The following KCNMA1 variants were observed in gnomAD, a reference collection of about 807,000 sequenced individuals.
KCNMA1 encodes the protein potassium calcium-activated channel subfamily M alpha 1.
In KCNMA1, 29 loss-of-function variants were observed where a neutral mutation model predicts 140.0. The observed-to-expected ratio is 0.21, with a 90% CI of 0.15 to 0.28. The LOEUF (loss-of-function observed/expected upper bound fraction) is 0.28, where lower values mean the gene tolerates loss of function less well. Ranked by LOEUF, KCNMA1 falls within the 10% of genes least tolerant of loss-of-function variation. KCNMA1 has a pLI of 1.00. For synonymous variants in KCNMA1, 612 were observed against 611.9 expected (o/e 1.00, Z 0.00); for missense variants, 880 against 1,602.2 (o/e 0.55, Z 7.70).
In KCNMA1 at chr10:77,278,940, G is replaced by A. The variant is rs143422984; in HGVS notation, c.541-27684C>T. Reference sequence around the variant, plus strand: ...AAAAGTGGCTTTTTCCTCATAGACTGAAAATACACCTGAAGATCCCCTCAT... The same window carrying A: ...AAAAGTGGCTTTTTCCTCATAGACTAAAAATACACCTGAAGATCCCCTCAT... On this transcript the variant is annotated intron_variant, in intron 2 of 27. Coordinates refer to ENST00000286628, the MANE Select transcript of KCNMA1 (RefSeq NM_001161352.2). 2.5e-3 allele frequency among the ~76,000 whole-genome samples: 385 copies of A among 152,284 alleles called. 2 individuals are homozygous for A. The highest frequency in any genetic ancestry group is 8.9e-3 in the African/African-American group (368 of 41,566).
intron 2 of KCNMA1, among the ~76,000 whole-genome samples, chr10:77,296,693 G>A (rs2075198178): frequency 1.3e-5 from 2 of 152,012 alleles, no homozygotes; most frequent in Admixed American, 1.3e-4. Flanking sequence ...GCAGTCTCCT[G>A]GATAGAACTG....
intron 21 of KCNMA1, among the ~76,000 whole-genome samples, chr10:76,953,411 C>G (rs2067013733): frequency 1.3e-5 from 2 of 152,284 alleles, no homozygotes; most frequent in Admixed American, 6.5e-5. Context: ...TCATTCTCAT[C>G]TCATCTTTTT....
chr10:77,168,277 G>T (rs2154093792), intron 5 of KCNMA1, among the ~76,000 whole-genome samples: 1 of 152,238 alleles, frequency 6.6e-6, no homozygotes, highest in South Asian at 2.1e-4. Flanking sequence ...CTACCTGTGT[G>T]TTAGGATTAA....
chr10:77,129,288 C>T (rs1347087565), intron 5 of KCNMA1, among the ~76,000 whole-genome samples: 1 of 152,120 alleles, frequency 6.6e-6, no homozygotes, highest in East Asian at 1.9e-4. Flanking sequence ...GAGGATGAGT[C>T]CAGTGTACAG....
At chr10:77,090,617 TCTC>T in intron 9 of KCNMA1, 107 bp from the exon 10 acceptor site, 1 of 766,534 alleles carries the variant, frequency 1.3e-6, no homozygotes, top group Non-Finnish European at 2.3e-6. Flanking sequence ...GAAGCATTCA[TCTC>T]CTCCCTCCGC....
chr10:77,614,764 G>C (rs1339884706), intron 1 of KCNMA1, among the ~76,000 whole-genome samples: 6 of 152,162 alleles, frequency 3.9e-5, no homozygotes, highest in Non-Finnish European at 7.4e-5. Flanking sequence ...TGCATGAGCA[G>C]AGGAAGGAGC....
At position 77,208,528 on chromosome 10, in the gene KCNMA1, G is replaced by A. The variant is rs142615044; in HGVS notation, c.603-23612C>T. On this transcript the variant is annotated intron_variant, in intron 3 of 27. Coordinates refer to ENST00000286628, the MANE Select transcript of KCNMA1 (RefSeq NM_001161352.2). ...AATAAAACGTTTTAAAAACCTGTGC[G>A]CAGAAATGAAAGCCCATGAACAGCA... Among the ~76,000 whole-genome samples, 297 of 143,226 alleles carry A rather than the reference G, an allele frequency of 2.1e-3. 1 individual carries two copies. Among genetic ancestry groups the A allele is most frequent in the African/African-American group, 6.3e-3 (244 of 38,736 alleles). The allele number at this position is 143,226 out of a possible 152,430, so 94.0% of individuals were successfully genotyped here.
intron 1 of KCNMA1, among the ~76,000 whole-genome samples, chr10:77,552,086 G>C (rs1021659922): frequency 6.6e-6 from 1 of 152,178 alleles, no homozygotes; most frequent in African/African-American, 2.4e-5. Context: ...TGACCAGTAA[G>C]GAAAGGATTT....
At chr10:77,243,675 T>C (rs2057862255) in intron 3 of KCNMA1, among the ~76,000 whole-genome samples, 2 of 152,190 alleles carry the variant, frequency 1.3e-5, no homozygotes, top group Non-Finnish European at 2.9e-5. Flanking sequence ...AAGTGAGCAA[T>C]TGGGCAAAAT....
At chr10:77,468,419 G>A (rs1459747945) in intron 1 of KCNMA1, among the ~76,000 whole-genome samples, 1 of 152,182 alleles carries the variant, frequency 6.6e-6, no homozygotes, top group African/African-American at 2.4e-5. Context: ...AGAATGGGAT[G>A]TATTCAGAGA....
intron 5 of KCNMA1, among the ~76,000 whole-genome samples, chr10:77,169,597 T>C (rs1564951808): frequency 6.6e-6 from 1 of 152,024 alleles, no homozygotes; most frequent in Non-Finnish European, 1.5e-5. Context: ...TCTCACTGTG[T>C]TGCCTAGGCT....
chr10:77,326,623 C>T (rs1411457560), intron 2 of KCNMA1, among the ~76,000 whole-genome samples: 1 of 152,102 alleles, frequency 6.6e-6, no homozygotes, highest in Non-Finnish European at 1.5e-5. Flanking sequence ...AGGGCCACTG[C>T]TTATAGTGGT....
intron 1 of KCNMA1, among the ~76,000 whole-genome samples, chr10:77,610,474 G>T (rs2086427220): frequency 6.6e-6 from 1 of 151,626 alleles, no homozygotes. Context: ...AAGGGTGGAG[G>T]CTCTCTCTCT....
chr10:77,375,357 G>A (rs1037192932), intron 2 of KCNMA1, among the ~76,000 whole-genome samples: 7 of 152,128 alleles, frequency 4.6e-5, no homozygotes, highest in Admixed American at 2.6e-4. Flanking sequence ...CCAGCTGGCC[G>A]TATTACCCCT....
chr10:77,172,940 G>C (rs2098721267), intron 5 of KCNMA1, among the ~76,000 whole-genome samples: 1 of 152,042 alleles, frequency 6.6e-6, no homozygotes. Flanking sequence ...AGCCTCCCAA[G>C]GGCTTCTTTC....
chr10:76,998,983 C>G (rs1180219227), intron 19 of KCNMA1, among the ~76,000 whole-genome samples: 2 of 152,260 alleles, frequency 1.3e-5, no homozygotes, highest in African/African-American at 4.8e-5. Flanking sequence ...ACTGATGAAA[C>G]GGAGAAGGCA....
At chr10:76,964,933 T>C (rs1020650028) in intron 20 of KCNMA1, among the ~76,000 whole-genome samples, 2 of 152,250 alleles carry the variant, frequency 1.3e-5, no homozygotes, top group Non-Finnish European at 2.9e-5. Flanking sequence ...CAATTTCTTT[T>C]TTCTGGGTGT....
chr10:77,166,927 T>C (rs1481410394), intron 5 of KCNMA1, among the ~76,000 whole-genome samples: 1 of 152,210 alleles, frequency 6.6e-6, no homozygotes, highest in Non-Finnish European at 1.5e-5. Flanking sequence ...TCCATCACCT[T>C]AAAATATTTA....
chr10:77,151,842 T>C lies in KCNMA1; in HGVS notation c.809-30794A>G, dbSNP rs563181169. Among the ~76,000 whole-genome samples the C allele has an allele frequency of 5.3e-5, 8 of 152,352 alleles. No individual in the cohort carries two copies. The South Asian group carries it at 1.5e-3, about 28-fold the overall frequency. ...GATGTTACACTGGGCAGGAAAATCA[T>C]TGAGTCAGGAAATCTTGCAATTTTC... On this transcript the variant is annotated intron_variant, in intron 5 of 27. Coordinates refer to ENST00000286628, the MANE Select transcript of KCNMA1 (RefSeq NM_001161352.2).
Sources: gnomAD v4.1 joint callset for allele counts (sites outside exome capture counted in the v4.1 genomes callset) on GRCh38, gnomAD v4.1.1 for gene constraint, MANE v1.5 for transcripts, NCBI Gene and HGNC (gene_info 2026-07-23, HGNC 2026-07-21) for gene names.